Variants in FNIP1 observed in about 807,000 individuals in gnomAD.
FNIP1 encodes the protein folliculin-interacting protein 1.
A neutral mutation model predicts 124.5 loss-of-function variants in FNIP1; 40 were observed. The ratio of observed to expected loss-of-function variants is 0.32; its 90% CI spans 0.25 to 0.42. FNIP1 has a LOEUF of 0.42. Ranked by LOEUF, FNIP1 falls within the 10% of genes least tolerant of loss-of-function variation. The pLI is 1.00. For synonymous variants in FNIP1, 472 were observed against 470.6 expected (o/e 1.00, Z -0.04); for missense variants, 1,176 against 1,403.7 (o/e 0.84, Z 2.59).
chr5:131,762,515 C>A (rs1049416134), intron 1 of FNIP1, among the ~76,000 whole-genome samples: 5 of 152,166 alleles, frequency 3.3e-5, no homozygotes, highest in Non-Finnish European at 7.4e-5. Flanking sequence ...TACCACTGAT[C>A]ATCAGAGAAA....
At position 131,712,408 on chromosome 5, in the gene FNIP1, G is replaced by A. The variant is rs72791139; in HGVS notation, c.623-1747C>T. Among the ~76,000 whole-genome samples the A allele has an allele frequency of 7.7e-3, 1,167 of 151,902 alleles. 15 individuals carry two copies. The highest frequency in any genetic ancestry group is 0.02 in the South Asian group (98 of 4,824). The stretch of plus-strand genomic sequence containing the variant: ...TTCTCAAAATGTCATCCAAGGACCC[G>A]TTGGGTCCCCGAGACTTTCAGGGGG... On this transcript the variant is annotated intron_variant, in intron 6 of 17. Coordinates refer to ENST00000510461, the MANE Select transcript of FNIP1 (RefSeq NM_133372.3).
In FNIP1 at chr5:131,716,665, G is replaced by A; in HGVS notation, c.531-9C>T. 1 of 1,522,700 alleles carries A rather than the reference G, an allele frequency of 6.6e-7. No individual in the cohort carries two copies. The highest frequency in any genetic ancestry group is 8.9e-7 in the Non-Finnish European group (1 of 1,124,328). 94.3% of individuals were successfully genotyped at this position (1,522,700 alleles called of 1,614,324 possible). ...CAAGACTATCTTGTAGCCTATGGAG[G>A]GTGAGAAGAAAATTAATTCCAAATT... On this transcript the variant is annotated splice_polypyrimidine_tract_variant and intron_variant, in intron 5 of 17. Coordinates refer to ENST00000510461, the MANE Select transcript of FNIP1 (RefSeq NM_133372.3).
At chr5:131,781,375 A>G (rs540406297) in intron 1 of FNIP1, among the ~76,000 whole-genome samples, 1 of 152,360 alleles carries the variant, frequency 6.6e-6, no homozygotes, top group South Asian at 2.1e-4. Flanking sequence ...TATCAGAAGA[A>G]GATGCCATCT....
intron 11 of FNIP1, among the ~76,000 whole-genome samples, chr5:131,681,189 A>T (rs191055344): frequency 1.3e-5 from 2 of 152,312 alleles, no homozygotes; most frequent in East Asian, 3.9e-4. Flanking sequence ...TTCAGAGTAT[A>T]TAATCAGATA....
chr5:131,792,837 T>C (rs1772453224), intron 1 of FNIP1, among the ~76,000 whole-genome samples: 1 of 138,778 alleles, frequency 7.2e-6, no homozygotes, highest in Non-Finnish European at 1.6e-5. Flanking sequence ...ACATTATGCA[T>C]ATGCAAGTAT....
intron 11 of FNIP1, among the ~76,000 whole-genome samples, chr5:131,694,194 A>G (rs897363557): frequency 2.0e-5 from 3 of 152,212 alleles, no homozygotes; most frequent in Non-Finnish European, 4.4e-5. Context: ...TAGTTTTTCC[A>G]TAATATCCAG....
At chr5:131,663,938 T>C (rs1767519063) in intron 15 of FNIP1, among the ~76,000 whole-genome samples, 1 of 152,216 alleles carries the variant, frequency 6.6e-6, no homozygotes, top group African/African-American at 2.4e-5. Context: ...AATATGGTTT[T>C]TGTTAAAGGG....
At chr5:131,712,605 TCTTA>T (rs1323409532) in intron 6 of FNIP1, among the ~76,000 whole-genome samples, 59 of 152,354 alleles carry the variant, frequency 3.9e-4, no homozygotes, top group African/African-American at 1.4e-3. Flanking sequence ...ATGCCACTCT[TCTTA>T]CTAATTTTTT....
intron 1 of FNIP1, among the ~76,000 whole-genome samples, chr5:131,763,656 C>CTCCA (rs1771317015): frequency 6.6e-6 from 1 of 152,140 alleles, no homozygotes; most frequent in South Asian, 2.1e-4. Context: ...CAAGCCCTAC[C>CTCCA]TCCAACACTG....
intron 6 of FNIP1, among the ~76,000 whole-genome samples, chr5:131,715,137 A>G (rs1287310817): frequency 6.6e-6 from 1 of 152,212 alleles, no homozygotes; most frequent in Non-Finnish European, 1.5e-5. Context: ...AGTATATCTA[A>G]CCTCTATAGT....
chr5:131,689,152 C>CAA (rs36082666), intron 11 of FNIP1, among the ~76,000 whole-genome samples: 299 of 140,040 alleles, frequency 2.1e-3, no homozygotes, highest in South Asian at 0.01. Context: ...AGAAACTATG[C>CAA]AAAAAAAAAA....
At chr5:131,716,990 T>A (rs251010) in intron 5 of FNIP1, among the ~76,000 whole-genome samples, 118,573 of 150,954 alleles carry the variant, frequency 0.79, 46,691 homozygotes, top group Middle Eastern at 0.84. Context: ...ATATATATAT[T>A]TTTTTTTATT....
chr5:131,690,321 C>G (rs557168229), intron 11 of FNIP1, among the ~76,000 whole-genome samples: 1 of 152,200 alleles, frequency 6.6e-6, no homozygotes, highest in Admixed American at 6.5e-5. Flanking sequence ...GCTGGAATAA[C>G]CGATAAGGTT....
intron 11 of FNIP1, among the ~76,000 whole-genome samples, chr5:131,694,326 G>A (rs1395725875): frequency 6.6e-6 from 1 of 152,092 alleles, no homozygotes; most frequent in Non-Finnish European, 1.5e-5. Context: ...GATATCTTTC[G>A]ATAGGTGAAT....
At chr5:131,692,220 A>G (rs1768505120) in intron 11 of FNIP1, among the ~76,000 whole-genome samples, 1 of 152,204 alleles carries the variant, frequency 6.6e-6, no homozygotes, top group Non-Finnish European at 1.5e-5. Flanking sequence ...TACAATGTAA[A>G]TATACAAAAG....
chr5:131,683,124 T>C (rs947070694), intron 11 of FNIP1, among the ~76,000 whole-genome samples: 18 of 152,212 alleles, frequency 1.2e-4, no homozygotes, highest in African/African-American at 4.1e-4. Context: ...GATTATGTCA[T>C]TGTTAATTTT....
At chr5:131,709,100 A>G in intron 8 of FNIP1, 101 bp downstream of exon 8, 1 of 894,498 alleles carries the variant, frequency 1.1e-6, no homozygotes, top group South Asian at 1.4e-5. Context: ...TGTAAGGCTA[A>G]TATCAATATG....
At chr5:131,793,476 T>C (rs930795285) in intron 1 of FNIP1, among the ~76,000 whole-genome samples, 1 of 152,182 alleles carries the variant, frequency 6.6e-6, no homozygotes, top group Non-Finnish European at 1.5e-5. Context: ...AGAAAACAAA[T>C]TACTGTCTCA....
At chr5:131,717,151 C>A (rs181187673) in intron 5 of FNIP1, among the ~76,000 whole-genome samples, 2 of 151,004 alleles carry the variant, frequency 1.3e-5, no homozygotes, top group Non-Finnish European at 2.9e-5. Flanking sequence ...CCCCACCCCA[C>A]GACAGGCCCC....
Sources: allele counts gnomAD v4.1 joint callset (sites outside exome capture counted in the v4.1 genomes callset), GRCh38; gene constraint gnomAD v4.1.1; transcripts MANE v1.5; gene names NCBI Gene and HGNC (gene_info 2026-07-23, HGNC 2026-07-21).